CROT: variants seen among roughly 807,000 people sequenced by gnomAD.
CROT encodes the protein carnitine O-octanoyltransferase.
A neutral mutation model predicts 89.2 loss-of-function variants in CROT; 84 were observed. The observed-to-expected ratio is 0.94, with a 90% CI of 0.79 to 1.13. The LOEUF is 1.13. Ranked by LOEUF, CROT falls within the 50% of genes most tolerant of loss-of-function variation. The pLI is 0.00. For missense variants in CROT, 711 were observed against 727.8 expected (o/e 0.98, Z 0.27); for synonymous variants, 212 against 239.5 (o/e 0.89, Z 1.06).
rs754592817 is a variant in CROT at position 87,382,112 on chromosome 7, G to C, written c.1101G>C (p.Glu367Asp). The C allele has an allele frequency of 5.0e-6, 8 of 1,613,472 alleles. No individual in the cohort carries two copies. The South Asian group carries it at 8.8e-5, about 18-fold the overall frequency. Reference sequence around the variant, plus strand: ...TACGAGATATACCACTTCCAGAAGAGCTCATTTTCATTGTGGATGAGAAAG... The same window carrying C: ...TACGAGATATACCACTTCCAGAAGACCTCATTTTCATTGTGGATGAGAAAG... ...EKVRDIPLPE[E>D]LIFIVDEKVL... Residue 367 changes from glutamate (E) to aspartate (D), a missense_variant, in exon 12 of 18, where the codon GAG (glutamate) becomes GAC (aspartate). Coordinates refer to ENST00000331536, the MANE Select transcript of CROT (RefSeq NM_021151.4).
intron 13 of CROT, among the ~76,000 whole-genome samples, chr7:87,389,423 C>T (rs190457929): frequency 2.0e-5 from 3 of 152,172 alleles, no homozygotes; most frequent in African/African-American, 7.2e-5. Flanking sequence ...CACATATACA[C>T]CATGGAATAC....
intron 6 of CROT, among the ~76,000 whole-genome samples, chr7:87,365,152 G>C (rs538632050): frequency 1.3e-5 from 2 of 152,238 alleles, no homozygotes; most frequent in African/African-American, 2.4e-5. Flanking sequence ...TAAAGTTTTT[G>C]TAAGGGAGAA....
chr7:87,364,445 C>T (rs2115853445), intron 6 of CROT, among the ~76,000 whole-genome samples: 1 of 152,214 alleles, frequency 6.6e-6, no homozygotes, highest in African/African-American at 2.4e-5. Flanking sequence ...AAAATGTGAC[C>T]ATTGGATATG....
intron 6 of CROT, among the ~76,000 whole-genome samples, chr7:87,365,973 A>G (rs556485056): frequency 5.3e-5 from 8 of 151,978 alleles, no homozygotes; most frequent in African/African-American, 1.4e-4. Flanking sequence ...CATACCTTTC[A>G]TCCCTGTTTA....
intron 10 of CROT, among the ~76,000 whole-genome samples, chr7:87,381,031 C>T (rs934595231): frequency 3.9e-5 from 6 of 152,222 alleles, no homozygotes; most frequent in South Asian, 2.1e-4. Flanking sequence ...TTATAGGCTC[C>T]GCTGGGCCAT....
At position 87,377,388 on chromosome 7, in the gene CROT, T is replaced by C. The variant is rs765657940; in HGVS notation, c.916T>C (p.Trp306Arg). ...CCTTATTGGAGATCCAACAGTACGC[T>C]GGGGTGACAAATCCTATAACTTGAT... ...AILIGDPTVR[W>R]GDKSYNLISF... The change falls in exon 10 of 18, where the codon TGG becomes CGG. Residue 306 changes from tryptophan (W) to arginine (R), a missense_variant. Trp to Arg is a moderately radical substitution (Grantham distance 101). Coordinates refer to ENST00000331536, the MANE Select transcript of CROT (RefSeq NM_021151.4). The C allele has an allele frequency of 5.6e-5, 90 of 1,611,886 alleles. No homozygotes were observed. The highest frequency in any genetic ancestry group is 3.5e-4 in the South Asian group (32 of 90,988).
chr7:87,361,636 G>A (rs1344241488), intron 5 of CROT, 65 bp downstream of exon 5: 4 of 1,529,486 alleles, frequency 2.6e-6, no homozygotes, highest in East Asian at 2.3e-5. Flanking sequence ...ATGTTGAGAA[G>A]CTTAATTTAC....
intron 13 of CROT, among the ~76,000 whole-genome samples, chr7:87,389,688 G>A (rs1195748900): frequency 6.6e-6 from 1 of 152,140 alleles, no homozygotes; most frequent in African/African-American, 2.4e-5. Flanking sequence ...GGGTTGATGG[G>A]TGCAGCAAAC....
chr7:87,361,675 G>A, intron 5 of CROT, 53 bp from the exon 6 acceptor site: 1 of 1,538,686 alleles, frequency 6.5e-7, no homozygotes, highest in Non-Finnish European at 8.7e-7. Context: ...TTCAGTTGTG[G>A]CTGGTTTTTA....
intron 6 of CROT, among the ~76,000 whole-genome samples, chr7:87,368,646 T>G (rs904248991): frequency 3.9e-5 from 6 of 152,236 alleles, no homozygotes; most frequent in African/African-American, 1.4e-4. Context: ...TATATTTCCT[T>G]CAAGCGGCAG....
chr7:87,382,537 A>C lies in CROT; in HGVS notation c.1295A>C (p.His432Pro), dbSNP rs755315658. The stretch of plus-strand genomic sequence containing the variant: ...CTTCAGCTGGCCTATTACAGACTTC[A>C]TGGACAGTAAGGACCATTCAGTTTC... The part of the protein sequence containing the change: ...LALQLAYYRL[H>P]GHPGCCYETA... The change falls in exon 13 of 18, where the codon CAT (histidine) becomes CCT (proline). Residue 432 changes from histidine (H) to proline (P), a missense_variant. Transcript: ENST00000331536. 1 of 1,613,296 alleles carries C rather than the reference A, an allele frequency of 6.2e-7. No homozygotes were observed.
rs1430472220 is a variant in CROT, at chr7:87,375,839, T to C, written c.762T>C (p.Tyr254=). The stretch of plus-strand genomic sequence containing the variant: ...TCCTTGCCCTTTAGGCACGAGAATA[T>C]CTGATTGGTCTTGATCCAGAGAACT... ...ERTRWAKARE[Y]LIGLDPENLA... The change falls in exon 9 of 18, where the codon TAT becomes TAC. Residue 254 remains tyrosine, a synonymous_variant. Transcript: ENST00000331536. 2 of 1,613,420 alleles carry C rather than the reference T, an allele frequency of 1.2e-6. No individual in the cohort carries two copies. Among genetic ancestry groups the C allele is most frequent in the Non-Finnish European group, 1.7e-6 (2 of 1,179,608 alleles).
intron 3 of CROT, among the ~76,000 whole-genome samples, chr7:87,358,138 T>C (rs1018502675): frequency 6.6e-6 from 1 of 152,100 alleles, no homozygotes; most frequent in Non-Finnish European, 1.5e-5. Context: ...TATAGGTGAC[T>C]CTTGAACAAT....
chr7:87,369,996 G>A (rs1169422975), intron 7 of CROT, among the ~76,000 whole-genome samples: 1 of 151,834 alleles, frequency 6.6e-6, no homozygotes, highest in African/African-American at 2.4e-5. Context: ...AGCATCAACA[G>A]TTATAAACTC....
chr7:87,355,424 C>A (rs949319291), intron 3 of CROT, among the ~76,000 whole-genome samples: 2 of 152,266 alleles, frequency 1.3e-5, no homozygotes, highest in East Asian at 3.9e-4. Flanking sequence ...ATATTCATAA[C>A]TTTCTTCACA....
chr7:87,351,580 C>T (rs1040658817), intron 3 of CROT, among the ~76,000 whole-genome samples: 11 of 152,258 alleles, frequency 7.2e-5, no homozygotes, highest in African/African-American at 2.6e-4. Context: ...GAGAGTAGTA[C>T]TTATCCACTG....
At chr7:87,365,889 G>A (rs1806429951) in intron 6 of CROT, among the ~76,000 whole-genome samples, 1 of 152,108 alleles carries the variant, frequency 6.6e-6, no homozygotes, top group Admixed American at 6.5e-5. Flanking sequence ...ACACGTGTGA[G>A]CCACAGCACC....
chr7:87,351,308 C>CAAAAAAAA (rs11295263), intron 3 of CROT, among the ~76,000 whole-genome samples: 7 of 67,520 alleles, frequency 1.0e-4, no homozygotes, highest in Non-Finnish European at 1.3e-4. Flanking sequence ...GACTCCATCT[C>CAAAAAAAA]AAAAAAAAAA....
intron 7 of CROT, among the ~76,000 whole-genome samples, chr7:87,372,958 G>A (rs1387376984): frequency 6.6e-6 from 1 of 152,062 alleles, no homozygotes; most frequent in Non-Finnish European, 1.5e-5. Flanking sequence ...AGGTTTTCAT[G>A]TAAACATATG....
Sources: gnomAD v4.1 joint callset for allele counts (sites outside exome capture counted in the v4.1 genomes callset) on GRCh38, gnomAD v4.1.1 for gene constraint, MANE v1.5 for transcripts, NCBI Gene and HGNC (gene_info 2026-07-23, HGNC 2026-07-21) for gene names.